The following DAPK1 variants were observed in gnomAD, a reference collection of about 807,000 sequenced individuals.
DAPK1 encodes the protein death-associated protein kinase 1.
Under a neutral mutation model 144.9 loss-of-function variants are expected in DAPK1, and 56 were observed. The observed-to-expected ratio is 0.39, with a 90% CI of 0.31 to 0.48. DAPK1 has a LOEUF of 0.48. Among genes scored for constraint, DAPK1 ranks in the 20% least tolerant of loss-of-function variants. DAPK1 has a pLI of 0.95. For missense variants in DAPK1, 1,454 were observed against 1,875.4 expected, an observed-to-expected ratio of 0.78 and a Z score of 4.15; for synonymous variants, 690 against 749.0, an observed-to-expected ratio of 0.92 and a Z score of 1.29.
intron 24 of DAPK1, among the ~76,000 whole-genome samples, chr9:87,702,718 A>G (rs1825497336): frequency 6.6e-6 from 1 of 152,166 alleles, no homozygotes; most frequent in African/African-American, 2.4e-5. Context: ...GCAAGTCTAA[A>G]AGACAACTGC....
intron 13 of DAPK1, among the ~76,000 whole-genome samples, 164 bp downstream of exon 13, chr9:87,646,723 G>A (rs1201937623): frequency 6.6e-6 from 1 of 152,168 alleles, no homozygotes; most frequent in Admixed American, 6.5e-5. Flanking sequence ...CTGACACATG[G>A]GTTAAAGAGG....
intron 3 of DAPK1, among the ~76,000 whole-genome samples, chr9:87,620,719 T>G (rs190424263): frequency 6.6e-6 from 1 of 151,828 alleles, no homozygotes; most frequent in Non-Finnish European, 1.5e-5. Context: ...CTGGTGGTGG[T>G]CTGTATTTCC....
At position 87,561,309 on chromosome 9, in the gene DAPK1, G is replaced by A. The variant is rs372340032; in HGVS notation, c.63-43645G>A. Among the ~76,000 whole-genome samples, 1,130 of 152,142 alleles carry A rather than the reference G, an allele frequency of 7.4e-3. 22 individuals carry two copies. The highest frequency in any genetic ancestry group is 0.025 in the African/African-American group (1,056 of 41,516). ...TGGGAGGCCAAGGCGGGCGGATCAC[G>A]AGGTCAGGAGATCGAGACCAGCCTG... On this transcript the variant is annotated intron_variant, in intron 2 of 25. Transcript: ENST00000408954.
chr9:87,679,240 C>T (rs3118855), intron 19 of DAPK1, among the ~76,000 whole-genome samples: 299 of 152,116 alleles, frequency 2.0e-3, no homozygotes, highest in Non-Finnish European at 3.3e-3. Flanking sequence ...AATTACAGGT[C>T]GGGGGTCACC....
At chr9:87,498,171 C>A in intron 1 of DAPK1, 64 bp downstream of exon 1, 1 of 396,952 alleles carries the variant, frequency 2.5e-6, no homozygotes, top group Admixed American at 4.4e-5. Flanking sequence ...GCTTTCCCAG[C>A]CAGGGCGCGG....
chr9:87,707,628 A>C lies in DAPK1; in HGVS notation c.*264A>C. Reference sequence around the variant, plus strand: ...TTGAAAAGCTAGTGTACCTCCTCTCAGTGTTTTGGACTCCATCTCTCATCC... The same window carrying C: ...TTGAAAAGCTAGTGTACCTCCTCTCCGTGTTTTGGACTCCATCTCTCATCC... On this transcript the variant is annotated 3_prime_UTR_variant, in exon 26 of 26. Coordinates refer to ENST00000408954, the MANE Select transcript of DAPK1 (RefSeq NM_004938.4). The surrounding 1 kb of genome is among the most constrained non-coding windows in gnomAD (Gnocchi z 4.0). 1 of 527,072 alleles carries C rather than the reference A, an allele frequency of 1.9e-6. No homozygotes were observed. The highest frequency in any genetic ancestry group is 3.4e-6 in the Non-Finnish European group (1 of 293,914). 32.6% of individuals were successfully genotyped at this position (527,072 alleles called of 1,614,324 possible).
intron 2 of DAPK1, among the ~76,000 whole-genome samples, chr9:87,528,296 C>T (rs1307304878): frequency 1.3e-5 from 2 of 151,544 alleles, no homozygotes; most frequent in Non-Finnish European, 2.9e-5. Flanking sequence ...CAGCTCACTG[C>T]AACCTCCACC....
At chr9:87,533,353 C>G (rs1825755760) in intron 2 of DAPK1, among the ~76,000 whole-genome samples, 1 of 152,212 alleles carries the variant, frequency 6.6e-6, no homozygotes, top group Non-Finnish European at 1.5e-5. Flanking sequence ...TTAACTTTTG[C>G]AACACATTTA....
intron 2 of DAPK1, among the ~76,000 whole-genome samples, chr9:87,592,524 T>C (rs1205934665): frequency 6.6e-6 from 1 of 152,226 alleles, no homozygotes; most frequent in Admixed American, 6.5e-5. Flanking sequence ...GCACAAATTG[T>C]ATTTTATTTT....
At chr9:87,549,767 T>C (rs1212776839) in intron 2 of DAPK1, among the ~76,000 whole-genome samples, 6 of 152,260 alleles carry the variant, frequency 3.9e-5, no homozygotes, top group Middle Eastern at 3.4e-3. Context: ...CCATGATCAG[T>C]GTTAATGTTT....
intron 2 of DAPK1, among the ~76,000 whole-genome samples, chr9:87,518,004 C>T (rs955244596): frequency 8.6e-5 from 13 of 151,984 alleles, no homozygotes; most frequent in Non-Finnish European, 1.0e-4. Flanking sequence ...CCCCATAGCA[C>T]GGGTAGTGGG....
chr9:87,616,463 T>C lies in DAPK1; in HGVS notation c.284+11288T>C, dbSNP rs141780056. Among the ~76,000 whole-genome samples the C allele has an allele frequency of 9.9e-5, 15 of 152,258 alleles. No individual in the cohort carries two copies. The East Asian group carries it at 2.9e-3, about 29-fold the overall frequency. On this transcript the variant is annotated intron_variant, in intron 3 of 25. Coordinates refer to ENST00000408954, the MANE Select transcript of DAPK1 (RefSeq NM_004938.4). The stretch of plus-strand genomic sequence containing the variant: ...AGTTGACCAGGGAGAAGGACAGTTT[T>C]GGGGGGAAACGTTGATTTACTTGCA...
At position 87,640,366 on chromosome 9, in the gene DAPK1, A is replaced by G. The variant is rs371685332; in HGVS notation, c.698A>G (p.Asn233Ser). The change falls in exon 8 of 26, where the codon AAC becomes AGC. Residue 233 changes from asparagine (N) to serine (S), a missense_variant. Asn to Ser is a conservative substitution (Grantham distance 46). Around this residue, in one of 2 missense-constraint regions of DAPK1, gnomAD observed 429 missense variants for 637.5 expected, o/e 0.67. Transcript: ENST00000408954. The part of the protein sequence containing the change: ...QETLANVSAV[N>S]YEFEDEYFSN... ...ACGTTAGCAAATGTATCCGCTGTCAACTACGAATTTGAGGATGAATACTTC... is the reference window on the plus strand; with the variant it reads ...ACGTTAGCAAATGTATCCGCTGTCAGCTACGAATTTGAGGATGAATACTTC... The G allele has an allele frequency of 1.3e-4, 214 of 1,614,124 alleles. No individual in the cohort carries two copies. Among genetic ancestry groups the G allele is most frequent in the Non-Finnish European group, 1.7e-4 (201 of 1,180,030 alleles).
chr9:87,623,064 A>G (rs760430980), intron 3 of DAPK1, among the ~76,000 whole-genome samples: 2 of 152,142 alleles, frequency 1.3e-5, no homozygotes, highest in Non-Finnish European at 2.9e-5. Flanking sequence ...TGGGTTGGGT[A>G]ATCACATAAG....
chr9:87,563,960 A>G (rs1050519423), intron 2 of DAPK1, among the ~76,000 whole-genome samples: 7 of 152,192 alleles, frequency 4.6e-5, no homozygotes, highest in Non-Finnish European at 7.3e-5. Flanking sequence ...TCTTGCCACA[A>G]TGGCATAGTT....
intron 18 of DAPK1, among the ~76,000 whole-genome samples, chr9:87,665,163 C>T (rs1313423489): frequency 6.7e-6 from 1 of 148,840 alleles, no homozygotes; most frequent in African/African-American, 2.5e-5. Flanking sequence ...GCACCTATCA[C>T]CACCTGACCT....
intron 19 of DAPK1, 95 bp downstream of exon 19, chr9:87,668,769 C>T: frequency 1.2e-6 from 1 of 816,306 alleles, no homozygotes; most frequent in Admixed American, 1.8e-5. Flanking sequence ...CAAAATGAGG[C>T]TCTAGACAGC....
At chr9:87,646,095 G>C (rs1830258357) in intron 12 of DAPK1, 81 bp downstream of exon 12, 7 of 1,500,984 alleles carry the variant, frequency 4.7e-6, no homozygotes, top group Admixed American at 1.9e-5. Context: ...GACCCCATCT[G>C]CTTCTCCATT....
chr9:87,662,920 G>A (rs1239216295), intron 18 of DAPK1, among the ~76,000 whole-genome samples: 3 of 151,810 alleles, frequency 2.0e-5, no homozygotes, highest in African/African-American at 4.8e-5. Flanking sequence ...CCCTCACAGC[G>A]CATCCTTACT....
Sources: gnomAD v4.1 joint callset for allele counts (sites outside exome capture counted in the v4.1 genomes callset) on GRCh38, gnomAD v4.1.1 for gene constraint, gnomAD v4.1.1 regional missense constraint, Gnocchi (gnomAD v3.1) non-coding constraint, MANE v1.5 for transcripts, NCBI Gene and HGNC (gene_info 2026-07-23, HGNC 2026-07-21) for gene names.